The following NMNAT2 variants were observed in gnomAD, a reference collection of about 807,000 sequenced individuals.
The protein encoded by NMNAT2 is nicotinamide nucleotide adenylyltransferase 2.
In NMNAT2, 11 loss-of-function variants were observed where a neutral mutation model predicts 41.6. That is an observed-to-expected ratio of 0.26 (90% CI 0.17 to 0.44). The LOEUF (loss-of-function observed/expected upper bound fraction) is 0.44. Ranked by LOEUF, NMNAT2 falls within the 20% of genes least tolerant of loss-of-function variation. The pLI, the probability that NMNAT2 is intolerant of heterozygous loss-of-function variation, is 1.00. For synonymous variants in NMNAT2, 148 were observed against 151.2 expected, an observed-to-expected ratio of 0.98 and a Z score of 0.16; for missense variants, 288 against 407.7, an observed-to-expected ratio of 0.71 and a Z score of 2.53.
intron 1 of NMNAT2, among the ~76,000 whole-genome samples, chr1:183,296,023 T>C (rs12035340): frequency 6.6e-6 from 1 of 152,090 alleles, no homozygotes; most frequent in Non-Finnish European, 1.5e-5. Flanking sequence ...TAATTTTTTG[T>C]ATTTTTAGTA....
intron 8 of NMNAT2, among the ~76,000 whole-genome samples, chr1:183,274,781 G>GA (rs955138608): frequency 4.7e-5 from 7 of 147,416 alleles, no homozygotes; most frequent in East Asian, 2.0e-4. Flanking sequence ...AAAAAAAAAA[G>GA]AAAAAAAAGA....
At chr1:183,352,562 CAAAAAAAAAAAAA>C (rs55706245) in intron 1 of NMNAT2, among the ~76,000 whole-genome samples, 3 of 79,164 alleles carry the variant, frequency 3.8e-5, no homozygotes, top group African/African-American at 1.5e-4. Flanking sequence ...CAGTCTGTCT[CAAAAAAAAAAAAA>C]AAAAAAAAAA....
intron 1 of NMNAT2, among the ~76,000 whole-genome samples, chr1:183,397,594 A>T (rs1648685721): frequency 6.6e-6 from 1 of 152,190 alleles, no homozygotes; most frequent in Non-Finnish European, 1.5e-5. Flanking sequence ...AAACAACCCC[A>T]AGACACATAA....
chr1:183,347,930 TG>T (rs1662967183), intron 1 of NMNAT2, among the ~76,000 whole-genome samples: 1 of 152,110 alleles, frequency 6.6e-6, no homozygotes, highest in African/African-American at 2.4e-5. Context: ...AATGACTACT[TG>T]CGCTGGGAGG....
intron 6 of NMNAT2, 141 bp downstream of exon 6, chr1:183,284,569 C>T (rs1171670048): frequency 1.8e-5 from 13 of 737,680 alleles, no homozygotes; most frequent in East Asian, 1.0e-4. Context: ...TGGGGGGATA[C>T]GTTGTGCACA....
At chr1:183,313,879 G>A (rs1416843083) in intron 1 of NMNAT2, among the ~76,000 whole-genome samples, 1 of 152,206 alleles carries the variant, frequency 6.6e-6, no homozygotes, top group Admixed American at 6.5e-5. Context: ...AGGAAGGCTG[G>A]AAGAAAGGTC....
intron 1 of NMNAT2, among the ~76,000 whole-genome samples, chr1:183,404,876 C>A (rs1413639299): frequency 6.6e-6 from 1 of 152,164 alleles, no homozygotes; most frequent in Non-Finnish European, 1.5e-5. Flanking sequence ...AGAAAAACAT[C>A]CTGTCTGTAA....
chr1:183,289,347 G>A (rs1420403540), intron 4 of NMNAT2, among the ~76,000 whole-genome samples: 1 of 152,206 alleles, frequency 6.6e-6, no homozygotes, highest in Non-Finnish European at 1.5e-5. Context: ...TGGATGGGTT[G>A]GCACTGATCT....
At chr1:183,397,153 A>G (rs1648672078) in intron 1 of NMNAT2, among the ~76,000 whole-genome samples, 1 of 152,074 alleles carries the variant, frequency 6.6e-6, no homozygotes, top group African/African-American at 2.4e-5. Flanking sequence ...ACTTTGCAAT[A>G]AATCTCCATA....
At chr1:183,298,733 T>C (rs1661769514) in intron 1 of NMNAT2, among the ~76,000 whole-genome samples, 2 of 152,176 alleles carry the variant, frequency 1.3e-5, no homozygotes, top group African/African-American at 4.8e-5. Context: ...TGATCATGCT[T>C]CTATTGAGTT....
Position 183,293,807 on chromosome 1 carries a change from G to A in NMNAT2, c.86-14C>T, listed in dbSNP as rs372513721. 2.9e-5 allele frequency: 46 copies of A among 1,579,100 alleles called. No homozygotes were observed. The African/African-American group carries it at 5.2e-4, about 18-fold the overall frequency. On this transcript the variant is annotated splice_polypyrimidine_tract_variant and intron_variant, in intron 1 of 10. Transcript: ENST00000287713. ...CCCTGGCTCTTTCTAATTAAGAGAA[G>A]AAACCCACACATTATAAAGAGGAAA...
chr1:183,287,672 C>T (rs530369695), intron 4 of NMNAT2, among the ~76,000 whole-genome samples: 1 of 152,316 alleles, frequency 6.6e-6, no homozygotes, highest in South Asian at 2.1e-4. Context: ...GACAAATTCC[C>T]AATCTGTTTA....
intron 1 of NMNAT2, among the ~76,000 whole-genome samples, chr1:183,297,632 C>T (rs1006034148): frequency 5.3e-5 from 8 of 152,284 alleles, no homozygotes; most frequent in African/African-American, 1.4e-4. Context: ...CTGCCCACCT[C>T]GGCCTCCTAA....
At chr1:183,301,799 A>G (rs968388556) in intron 1 of NMNAT2, among the ~76,000 whole-genome samples, 2 of 152,256 alleles carry the variant, frequency 1.3e-5, no homozygotes, top group African/African-American at 4.8e-5. Flanking sequence ...CTGGCTACTC[A>G]GTGAACCTGG....
chr1:183,256,854 T>G (rs926318012), intron 10 of NMNAT2, among the ~76,000 whole-genome samples: 1 of 152,086 alleles, frequency 6.6e-6, no homozygotes, highest in African/African-American at 2.4e-5. Context: ...TGGGTTCAAG[T>G]GATTCTTCTG....
chr1:183,395,693 T>A (rs1419205972), intron 1 of NMNAT2, among the ~76,000 whole-genome samples: 1 of 152,124 alleles, frequency 6.6e-6, no homozygotes, highest in Non-Finnish European at 1.5e-5. Context: ...TACCATATGG[T>A]CACATTATTT....
At chr1:183,347,015 G>A (rs1662944831) in intron 1 of NMNAT2, among the ~76,000 whole-genome samples, 1 of 152,064 alleles carries the variant, frequency 6.6e-6, no homozygotes, top group Non-Finnish European at 1.5e-5. Context: ...TTGACCTTCT[G>A]GGTGGGAACT....
chr1:183,402,687 C>CAAA (rs1557901160), intron 1 of NMNAT2, among the ~76,000 whole-genome samples: 1 of 151,854 alleles, frequency 6.6e-6, no homozygotes. Flanking sequence ...CAACACAGGC[C>CAAA]AAAAAAAATT....
chr1:183,283,610 T>G, intron 7 of NMNAT2: 2 of 323,992 alleles, frequency 6.2e-6, no homozygotes, highest in Non-Finnish European at 1.2e-5. Context: ...CTCTGTTTCT[T>G]CATCTACAAG....
Sources: gnomAD v4.1 joint callset for allele counts (sites outside exome capture counted in the v4.1 genomes callset) on GRCh38, gnomAD v4.1.1 for gene constraint, MANE v1.5 for transcripts, NCBI Gene and HGNC (gene_info 2026-07-23, HGNC 2026-07-21) for gene names.